The following KLC1 variants were observed in gnomAD, a reference collection of about 807,000 sequenced individuals.
KLC1 encodes the protein kinesin 2 60/70kDa.
In KLC1, 30 loss-of-function variants were observed where a neutral mutation model predicts 84.2. That is an observed-to-expected ratio of 0.36 (90% CI 0.27 to 0.48). The LOEUF (loss-of-function observed/expected upper bound fraction) is 0.48. KLC1 is among the 20% of genes least tolerant of loss of function. The pLI, the probability that KLC1 is intolerant of heterozygous loss-of-function variation, is 0.99. For missense variants in KLC1, 499 were observed against 805.4 expected (o/e 0.62, Z 4.60); for synonymous variants, 289 against 293.3 (o/e 0.99, Z 0.15).
In KLC1 at chr14:103,663,534, C is replaced by T. The variant is rs180892440; in HGVS notation, c.797+607C>T. 2.2e-4 allele frequency among the ~76,000 whole-genome samples: 34 copies of T among 152,296 alleles called. No individual in the cohort carries two copies. In the East Asian group the frequency reaches 6.0e-3, roughly 27 times the overall value. On this transcript the variant is annotated intron_variant, in intron 5 of 16. Transcript: ENST00000334553. ...CCTTTTCCACAAGACCCTGTGCAGG[C>T]GGCTTCTTTTGTCTAAATAGCCTTC...
intron 13 of KLC1, among the ~76,000 whole-genome samples, chr14:103,680,700 C>A (rs144975607): frequency 8.3e-4 from 127 of 152,296 alleles, no homozygotes; most frequent in South Asian, 1.9e-3. Flanking sequence ...TCCTGGCCCG[C>A]AGGCCTCCCT....
Position 103,672,806 on chromosome 14 carries a change from A to C in KLC1, c.988-208A>C, listed in dbSNP as rs1343591018. On this transcript the variant is annotated intron_variant, in intron 7 of 16. Transcript: ENST00000334553. ...TAACACAGCTAAAGAAGATGAGCAC[A>C]GTTCCCTCCCTCCCCTCATGAATAA... Among the ~76,000 whole-genome samples the C allele has an allele frequency of 2.6e-5, 4 of 152,212 alleles. No homozygotes were observed. The East Asian group carries it at 7.7e-4, about 29-fold the overall frequency.
intron 2 of KLC1, 80 bp from the exon 3 acceptor site, chr14:103,657,466 G>C: frequency 9.4e-7 from 1 of 1,067,202 alleles, no homozygotes; most frequent in Non-Finnish European, 1.4e-6. Context: ...TACAGCCCCA[G>C]CCACAGAATG....
chr14:103,696,577 G>A lies in KLC1; in HGVS notation c.1849-4078G>A, dbSNP rs186860391. 3 of 985,474 alleles carry A rather than the reference G, an allele frequency of 3.0e-6. No homozygotes were observed. In the East Asian group the frequency reaches 3.4e-4, roughly 112 times the overall value. The allele number at this position is 985,474 out of a possible 1,614,324, so 61.0% of individuals were successfully genotyped here. On this transcript the variant is annotated intron_variant, in intron 15 of 16. Coordinates refer to ENST00000334553, the MANE Select transcript of KLC1 (RefSeq NM_001394837.1). ...CTGACTTGTGAGCTGTGTGTACGCT[G>A]TGGTCAGATTTCTGAATGCTGTAGA... is the stretch of plus-strand genomic sequence containing the variant.
chr14:103,690,046 G>A (rs2082003689), intron 14 of KLC1, among the ~76,000 whole-genome samples: 1 of 152,052 alleles, frequency 6.6e-6, no homozygotes, highest in African/African-American at 2.4e-5. Flanking sequence ...CGGGCCAGGT[G>A]GTGCATGCCT....
At chr14:103,654,851 T>C (rs1379405342) in intron 2 of KLC1, 26 bp downstream of exon 2, 11 of 1,591,262 alleles carry the variant, frequency 6.9e-6, no homozygotes, top group Non-Finnish European at 8.5e-6. Context: ...ACTCAGACGT[T>C]ATCAGGAACT....
At position 103,636,971 on chromosome 14, in the gene KLC1, C is replaced by T. The variant is rs113651524; in HGVS notation, c.-2+7477C>T. Among the ~76,000 whole-genome samples the T allele has an allele frequency of 7.3e-4, 109 of 149,512 alleles. 2 individuals are homozygous for T. Among genetic ancestry groups the T allele is most frequent in the African/African-American group, 2.3e-3 (93 of 40,702 alleles). ...GTCTCGATCTCCTGACCTCGTGATC[C>T]GCCCGTCTTGGCCTCCCAAAGTGCT... On this transcript the variant is annotated intron_variant, in intron 1 of 16. Transcript: ENST00000334553.
intron 7 of KLC1, among the ~76,000 whole-genome samples, chr14:103,670,832 C>T (rs931222096): frequency 6.6e-6 from 1 of 151,578 alleles, no homozygotes; most frequent in Non-Finnish European, 1.5e-5. Flanking sequence ...CTTGTAATCC[C>T]AGCACTTTGG....
intron 15 of KLC1, 90 bp from the exon 16 acceptor site, chr14:103,700,565 G>A: frequency 9.4e-7 from 1 of 1,058,742 alleles, no homozygotes; most frequent in Non-Finnish European, 1.4e-6. Context: ...AAGGTCTGCA[G>A]CCACACGCTG....
Position 103,693,557 on chromosome 14 carries a change from G to T in KLC1, c.1848+1132G>T. ...TCTATTTGTTTTTTCATGCAGGAAC[G>T]AAATAATTGTCTGGCCGACTCGCGA... is the stretch of plus-strand genomic sequence containing the variant. On this transcript the variant is annotated intron_variant, in intron 15 of 16. Coordinates refer to ENST00000334553, the MANE Select transcript of KLC1 (RefSeq NM_001394837.1). The surrounding 1 kb of genome is among the most constrained non-coding windows in gnomAD (Gnocchi z 5.1). The T allele has an allele frequency of 6.5e-7, 1 of 1,536,096 alleles. No individual in the cohort carries two copies.
chr14:103,687,316 C>T (rs534788944), intron 14 of KLC1, 105 bp downstream of exon 14: 3 of 1,168,356 alleles, frequency 2.6e-6, no homozygotes, highest in African/African-American at 3.1e-5. Context: ...AAAGACACTC[C>T]AGTTGGTTCC....
intron 11 of KLC1, among the ~76,000 whole-genome samples, chr14:103,676,475 A>G: frequency 6.6e-6 from 1 of 152,156 alleles, no homozygotes; most frequent in Non-Finnish European, 1.5e-5. Flanking sequence ...CGTGTTGGCC[A>G]GGCTGGTTTT....
At chr14:103,685,211 A>C (rs940295136) in intron 13 of KLC1, 2 of 1,420,004 alleles carry the variant, frequency 1.4e-6, no homozygotes, top group African/African-American at 1.4e-5. Flanking sequence ...GTGGTTTCCT[A>C]AAGTTTCTGA....
At chr14:103,688,342 G>C (rs1325738740) in intron 14 of KLC1, among the ~76,000 whole-genome samples, 1 of 152,074 alleles carries the variant, frequency 6.6e-6, no homozygotes, top group African/African-American at 2.4e-5. Flanking sequence ...GTAGAAACGG[G>C]GTTTCACCAT....
intron 14 of KLC1, among the ~76,000 whole-genome samples, chr14:103,689,900 G>T (rs954962544): frequency 1.3e-5 from 2 of 152,198 alleles, no homozygotes; most frequent in African/African-American, 4.8e-5. Flanking sequence ...GTTAATGGCG[G>T]CCGGTGCAGT....
Position 103,694,553 on chromosome 14 carries a change from C to T in KLC1, c.1848+2128C>T. The T allele has an allele frequency of 1.0e-6, 1 of 985,490 alleles. No homozygotes were observed. Among genetic ancestry groups the T allele is most frequent in the East Asian group, 1.1e-4 (1 of 8,816 alleles). The allele number at this position is 985,490 out of a possible 1,614,324, so 61.0% of individuals were successfully genotyped here. A position where few individuals can be genotyped will look rare whatever the true frequency, so the allele number is the denominator to read the frequency against. ...TGCTGAGGCTGTATTTCTTAGCCGT[C>T]CACAAACTAGTCCATAGGTAAAGAG... On this transcript the variant is annotated intron_variant, in intron 15 of 16. Coordinates refer to ENST00000334553, the MANE Select transcript of KLC1 (RefSeq NM_001394837.1). This position sits in a 1 kb window ranked among gnomAD's most constrained non-coding sequence, Gnocchi z 4.5.
chr14:103,638,136 C>T (rs1402469679), intron 1 of KLC1, among the ~76,000 whole-genome samples: 1 of 152,012 alleles, frequency 6.6e-6, no homozygotes, highest in African/African-American at 2.4e-5. Context: ...ATCTGGCCAG[C>T]ACTGCCAGGG....
intron 1 of KLC1, among the ~76,000 whole-genome samples, chr14:103,635,953 T>C (rs2077010731): frequency 6.6e-6 from 1 of 152,174 alleles, no homozygotes; most frequent in Non-Finnish European, 1.5e-5. Context: ...TGAATCATGA[T>C]AATGCTGTTT....
In KLC1 at chr14:103,701,207, C is replaced by T. The variant is rs1209538417; in HGVS notation, c.*8C>T. On this transcript the variant is annotated 3_prime_UTR_variant, in exon 17 of 17. Transcript: ENST00000334553. Reference sequence around the variant, plus strand: ...CTTCTATCTTCTCTTGCAGTGACCCCGACCTGGCCCCGCTCCAGGATGGGA... The same window carrying T: ...CTTCTATCTTCTCTTGCAGTGACCCTGACCTGGCCCCGCTCCAGGATGGGA... The T allele has an allele frequency of 3.2e-6, 5 of 1,550,784 alleles. No homozygotes were observed. The highest frequency in any genetic ancestry group is 1.7e-4 in the Middle Eastern group (1 of 6,004).
Sources: allele counts gnomAD v4.1 joint callset (sites outside exome capture counted in the v4.1 genomes callset), GRCh38; gene constraint gnomAD v4.1.1; non-coding constraint Gnocchi (gnomAD v3.1); transcripts MANE v1.5; gene names NCBI Gene and HGNC (gene_info 2026-07-23, HGNC 2026-07-21).